Variants in TSHZ2 observed in about 807,000 individuals in gnomAD.
The protein encoded by TSHZ2 is teashirt homolog 2.
TSHZ2 carries 21 observed loss-of-function variants against 74.4 expected under a neutral mutation model. That is an observed-to-expected ratio of 0.28 (90% CI 0.20 to 0.41). The LOEUF is 0.41. Ranked by LOEUF, TSHZ2 falls within the 10% of genes least tolerant of loss-of-function variation. The pLI, the probability that TSHZ2 is intolerant of heterozygous loss-of-function variation, is 1.00. For missense variants in TSHZ2, 1,244 were observed against 1,293.5 expected (o/e 0.96, Z 0.59); for synonymous variants, 540 against 515.3 (o/e 1.05, Z -0.65).
intron 1 of TSHZ2, among the ~76,000 whole-genome samples, chr20:53,131,735 C>T (rs949911996): frequency 1.3e-5 from 2 of 149,796 alleles, no homozygotes; most frequent in Non-Finnish European, 3.0e-5. Context: ...CAGATGTAGA[C>T]ATTAGTACCT....
intron 1 of TSHZ2, among the ~76,000 whole-genome samples, chr20:53,197,769 AAACAT>A (rs942221943): frequency 5.3e-5 from 8 of 152,238 alleles, no homozygotes; most frequent in African/African-American, 1.9e-4. Flanking sequence ...CAGAACAGAC[AAACAT>A]TTGAATTTCT....
At chr20:53,271,588 A>G (rs1990840188) in intron 2 of TSHZ2, among the ~76,000 whole-genome samples, 2 of 152,228 alleles carry the variant, frequency 1.3e-5, no homozygotes, top group African/African-American at 4.8e-5. Context: ...GCACAACAGA[A>G]GTACGGAGCC....
chr20:53,408,426 A>G (rs1490501682), intron 2 of TSHZ2, among the ~76,000 whole-genome samples: 1 of 152,236 alleles, frequency 6.6e-6, no homozygotes, highest in African/African-American at 2.4e-5. Context: ...TAAAATCATT[A>G]CTTACTAGCA....
At chr20:53,427,244 T>C (rs554110414) in intron 2 of TSHZ2, among the ~76,000 whole-genome samples, 1 of 152,302 alleles carries the variant, frequency 6.6e-6, no homozygotes, top group South Asian at 2.1e-4. Context: ...CTCACATTAT[T>C]AGACAGATTT....
At chr20:53,073,592 C>T (rs574308043) in intron 1 of TSHZ2, among the ~76,000 whole-genome samples, 1 of 152,212 alleles carries the variant, frequency 6.6e-6, no homozygotes, top group East Asian at 1.9e-4. Context: ...TTCTCTATTA[C>T]TTAAATACAG....
chr20:53,173,055 A>C (rs1329032558), intron 1 of TSHZ2, among the ~76,000 whole-genome samples: 1 of 152,216 alleles, frequency 6.6e-6, no homozygotes, highest in African/African-American at 2.4e-5. Flanking sequence ...GAGCTGGTGC[A>C]TGACACATAA....
Position 53,042,024 on chromosome 20 carries a change from T to A in TSHZ2, c.40+68691T>A, listed in dbSNP as rs561766486. ...TTCCTGGAAGGAAATAAGCCTCTCC[T>A]ACATTGCAGCATATTACCCAAATGT... On this transcript the variant is annotated intron_variant, in intron 1 of 2. Coordinates refer to ENST00000371497, the MANE Select transcript of TSHZ2 (RefSeq NM_173485.6). Among the ~76,000 whole-genome samples the A allele has an allele frequency of 6.6e-5, 10 of 152,222 alleles. No individual in the cohort carries two copies. The East Asian group carries it at 1.9e-3, about 29-fold the overall frequency.
intron 2 of TSHZ2, among the ~76,000 whole-genome samples, chr20:53,380,125 G>T (rs576152197): frequency 1.4e-4 from 20 of 146,512 alleles, no homozygotes; most frequent in Admixed American, 4.8e-4. Flanking sequence ...GAGCTTGAAG[G>T]TTGATGGTTG....
At chr20:53,136,412 T>C (rs1987246804) in intron 1 of TSHZ2, among the ~76,000 whole-genome samples, 1 of 151,440 alleles carries the variant, frequency 6.6e-6, no homozygotes. Context: ...AAAATTAATT[T>C]GAGCTTACAT....
chr20:53,469,023 T>C (rs1410136441), intron 2 of TSHZ2, among the ~76,000 whole-genome samples: 1 of 125,192 alleles, frequency 8.0e-6, no homozygotes, highest in African/African-American at 2.9e-5. Context: ...CAGTTAAACC[T>C]AAAGGCTCTG....
At chr20:53,075,625 G>A (rs1226724724) in intron 1 of TSHZ2, among the ~76,000 whole-genome samples, 6 of 152,214 alleles carry the variant, frequency 3.9e-5, no homozygotes, top group Non-Finnish European at 5.9e-5. Context: ...ACAGAAGGCA[G>A]CAGGACAGGT....
chr20:53,285,615 CAGG>C (rs1372082248), intron 2 of TSHZ2, among the ~76,000 whole-genome samples: 2 of 151,904 alleles, frequency 1.3e-5, no homozygotes, highest in Non-Finnish European at 2.9e-5. Context: ...GAGGCTGAGG[CAGG>C]AGAATTGCTT....
intron 1 of TSHZ2, among the ~76,000 whole-genome samples, chr20:53,012,363 A>G (rs1432582733): frequency 2.0e-5 from 3 of 152,010 alleles, no homozygotes; most frequent in African/African-American, 7.3e-5. Context: ...TCTCCTCGCT[A>G]CTCAGAATGT....
intron 1 of TSHZ2, among the ~76,000 whole-genome samples, chr20:53,031,688 T>G (rs1983644527): frequency 6.6e-6 from 1 of 152,150 alleles, no homozygotes; most frequent in Admixed American, 6.5e-5. Context: ...AGCAGCAGAA[T>G]GTTAATTTCC....
intron 2 of TSHZ2, among the ~76,000 whole-genome samples, chr20:53,429,389 G>C (rs970659772): frequency 1.3e-5 from 2 of 152,220 alleles, no homozygotes; most frequent in African/African-American, 2.4e-5. Context: ...CACGTGTTGT[G>C]GGGGGAACCC....
chr20:53,399,745 A>G (rs187127009), intron 2 of TSHZ2: 5 of 151,336 alleles, frequency 3.3e-5, no homozygotes, highest in African/African-American at 9.8e-5. Context: ...CTGCTGACCA[A>G]CTCTGAAGAG....
chr20:53,138,202 G>A (rs1987295329), intron 1 of TSHZ2, among the ~76,000 whole-genome samples: 1 of 152,046 alleles, frequency 6.6e-6, no homozygotes, highest in Non-Finnish European at 1.5e-5. Context: ...CTAACACGGT[G>A]AAACCCCGTC....
intron 2 of TSHZ2, among the ~76,000 whole-genome samples, chr20:53,339,580 C>T (rs382553): frequency 0.53 from 80,673 of 151,928 alleles, 22,069 homozygotes; most frequent in African/African-American, 0.6. Context: ...TTCAGGATCC[C>T]CTGTTCAAAT....
chr20:53,254,355 T>C lies in TSHZ2; in HGVS notation c.897T>C (p.His299=). 1 of 1,614,102 alleles carries C rather than the reference T, an allele frequency of 6.2e-7. No homozygotes were observed. The highest frequency in any genetic ancestry group is 2.2e-5 in the East Asian group (1 of 44,866). ...GCGTCCACATGATTAAAACAAAACA[T>C]TACCAAAAAGTGCCTTTGAAGGAGC... ...DLSVHMIKTK[H]YQKVPLKEPV... Residue 299 remains histidine, a synonymous_variant, in exon 2 of 3, where the codon CAT becomes CAC. Coordinates refer to ENST00000371497, the MANE Select transcript of TSHZ2 (RefSeq NM_173485.6).
Sources: gnomAD v4.1 joint callset for allele counts (sites outside exome capture counted in the v4.1 genomes callset) on GRCh38, gnomAD v4.1.1 for gene constraint, MANE v1.5 for transcripts, NCBI Gene and HGNC (gene_info 2026-07-23, HGNC 2026-07-21) for gene names.